DTX2: variants seen among roughly 807,000 people sequenced by gnomAD.
DTX2 encodes the protein probable E3 ubiquitin-protein ligase DTX2.
In DTX2, 29 loss-of-function variants were observed where a neutral mutation model predicts 55.3. That is an observed-to-expected ratio of 0.52 (90% confidence interval 0.39 to 0.71). DTX2 has a LOEUF of 0.71. Ranked by LOEUF, DTX2 falls within the 30% of genes least tolerant of loss-of-function variation. The pLI, the probability that DTX2 is intolerant of heterozygous loss-of-function variation, is 0.00. For missense variants in DTX2, 537 were observed against 822.5 expected (o/e 0.65, Z 4.25); for synonymous variants, 276 against 340.4 (o/e 0.81, Z 2.08).
chr7:76,474,163 C>T (rs142812861), intron 2 of DTX2, among the ~76,000 whole-genome samples: 1,543 of 151,194 alleles, frequency 0.01, 44 homozygotes, highest in Admixed American at 0.062. Context: ...TCAGGTGATC[C>T]GTGCCTGGCC....
At position 76,488,281 on chromosome 7, in the gene DTX2, T is replaced by C. The variant is rs1237299487; in HGVS notation, c.909-3872T>C. On this transcript the variant is annotated intron_variant, in intron 4 of 10. Coordinates refer to ENST00000430490, the MANE Select transcript of DTX2 (RefSeq NM_001102594.3). ...TCTTTAGGAACGGAAGCAAACGTTCTCGTTCAGATATGTGCCTCTCCCTGG... is the reference window on the plus strand; with the variant it reads ...TCTTTAGGAACGGAAGCAAACGTTCCCGTTCAGATATGTGCCTCTCCCTGG... Among the ~76,000 whole-genome samples, 12 of 74,116 alleles carry C rather than the reference T, an allele frequency of 1.6e-4. 1 individual carries two copies. The highest frequency in any genetic ancestry group is 8.0e-4 in the African/African-American group (12 of 14,998). 48.6% of individuals were successfully genotyped at this position (74,116 alleles called of 152,430 possible). A position where few individuals can be genotyped will look rare whatever the true frequency, so the allele number is the denominator to read the frequency against.
At chr7:76,479,885 C>G (rs1316523459) in intron 2 of DTX2, among the ~76,000 whole-genome samples, 1 of 150,530 alleles carries the variant, frequency 6.6e-6, no homozygotes, top group African/African-American at 2.5e-5. Flanking sequence ...AATTTATGCT[C>G]TCTTTCTTCA....
chr7:76,498,169 C>A (rs1485015173), intron 6 of DTX2, among the ~76,000 whole-genome samples: 1 of 152,184 alleles, frequency 6.6e-6, no homozygotes, highest in African/African-American at 2.4e-5. Flanking sequence ...CGTGGCCCTG[C>A]TGGCCCTCAG....
At chr7:76,474,785 C>G (rs910927784) in intron 2 of DTX2, 6 of 151,894 alleles carry the variant, frequency 4.0e-5, no homozygotes, top group African/African-American at 1.5e-4. Flanking sequence ...CAGTGCAGAT[C>G]TTGTTCTAAA....
At chr7:76,474,736 C>CA (rs1423288083) in intron 2 of DTX2, 2 of 152,022 alleles carry the variant, frequency 1.3e-5, no homozygotes, top group African/African-American at 4.8e-5. Flanking sequence ...CCCCGGGGCT[C>CA]ACAGCTGGGC....
In DTX2 at chr7:76,505,230, C is replaced by T. The variant is rs1301462199; in HGVS notation, c.1642-144C>T. 2 of 694,686 alleles carry T rather than the reference C, an allele frequency of 2.9e-6. No homozygotes were observed. Among genetic ancestry groups the T allele is most frequent in the Non-Finnish European group, 4.9e-6 (2 of 407,880 alleles). The allele number at this position is 694,686 out of a possible 1,614,324, so 43.0% of individuals were successfully genotyped here. On this transcript the variant is annotated intron_variant, in intron 10 of 10. Coordinates refer to ENST00000430490, the MANE Select transcript of DTX2 (RefSeq NM_001102594.3). The surrounding 1 kb of genome is among the most constrained non-coding windows in gnomAD (Gnocchi z 4.4). ...CCAGTGGGCAGTTTTGGGGTCCCTG[C>T]AGATGGGGTGAGTGCCAGGGAGTGG...
At chr7:76,496,024 C>A (rs1584227537) in intron 5 of DTX2, among the ~76,000 whole-genome samples, 1 of 98,244 alleles carries the variant, frequency 1.0e-5, no homozygotes, top group Admixed American at 9.7e-5. Flanking sequence ...CATTCAGTTC[C>A]CACAGGAACC....
At chr7:76,489,910 T>G (rs1415166565) in intron 4 of DTX2, among the ~76,000 whole-genome samples, 1 of 135,688 alleles carries the variant, frequency 7.4e-6, no homozygotes, top group Non-Finnish European at 1.6e-5. Context: ...AACAACAACC[T>G]TTATTTTATG....
In DTX2 at chr7:76,499,697, C is replaced by T. The variant is rs1347622592; in HGVS notation, c.1151-744C>T. 2.5e-5 allele frequency: 4 copies of T among 162,026 alleles called. No homozygotes were observed. The East Asian group carries it at 7.0e-4, about 28-fold the overall frequency. The allele number at this position is 162,026 out of a possible 1,614,324, so 10.0% of individuals were successfully genotyped here. ...ACCTAGAGAACGCCCCGGGCCGCGC[C>T]GATCCTCACCAGCTCAGGAGCTTCT... On this transcript the variant is annotated intron_variant, in intron 6 of 10. Coordinates refer to ENST00000430490, the MANE Select transcript of DTX2 (RefSeq NM_001102594.3).
At chr7:76,491,770 A>G (rs1349226545) in intron 4 of DTX2, among the ~76,000 whole-genome samples, 3 of 117,260 alleles carry the variant, frequency 2.6e-5, no homozygotes, top group Non-Finnish European at 5.3e-5. Context: ...TGCAGCCTCA[A>G]CCTCCTGGGT....
intron 4 of DTX2, among the ~76,000 whole-genome samples, chr7:76,488,187 G>A (rs1206217611): frequency 1.2e-5 from 1 of 85,310 alleles, no homozygotes; most frequent in South Asian, 4.3e-4. Context: ...CAGGGTGAGC[G>A]CCCACTGGAA....
intron 4 of DTX2, among the ~76,000 whole-genome samples, chr7:76,491,841 CT>C (rs1201326045): frequency 7.5e-6 from 1 of 132,834 alleles, no homozygotes; most frequent in Non-Finnish European, 1.6e-5. Context: ...ACTTGGCAGA[CT>C]TTTAAAAATT....
chr7:76,473,107 A>G (rs1808140937), intron 2 of DTX2, among the ~76,000 whole-genome samples: 1 of 152,088 alleles, frequency 6.6e-6, no homozygotes, highest in Non-Finnish European at 1.5e-5. Context: ...CTAAGATTAT[A>G]GGTGTGAGCC....
intron 4 of DTX2, among the ~76,000 whole-genome samples, chr7:76,483,696 A>G (rs939744841): frequency 6.6e-6 from 1 of 151,272 alleles, no homozygotes; most frequent in Non-Finnish European, 1.5e-5. Context: ...TAGAGCGCTC[A>G]GCTCCTTGAG....
intron 2 of DTX2, among the ~76,000 whole-genome samples, chr7:76,466,706 C>T (rs1807225139): frequency 6.6e-6 from 1 of 152,246 alleles, no homozygotes; most frequent in African/African-American, 2.4e-5. Context: ...ACTCCCGATT[C>T]TCCTGCCTCA....
chr7:76,497,623 CG>C, intron 6 of DTX2, 146 bp downstream of exon 6: 1 of 531,788 alleles, frequency 1.9e-6, no homozygotes, highest in Admixed American at 3.3e-5. Context: ...TCCCTGCCCC[CG>C]CTCGGCAGCA....
In DTX2 at chr7:76,501,144, T is replaced by C. The variant is rs1811625214; in HGVS notation, c.1230+624T>C. On this transcript the variant is annotated intron_variant, in intron 7 of 10. Transcript: ENST00000430490. ...TTAGCTGGGAGCCCTGGAGATACTG[T>C]TGGGGGAGGGGGTGGGTGAACGGCC... The C allele has an allele frequency of 7.7e-6, 3 of 389,312 alleles. No homozygotes were observed. In the Admixed American group the frequency reaches 9.4e-5, roughly 12 times the overall value. 24.1% of individuals were successfully genotyped at this position (389,312 alleles called of 1,614,324 possible).
rs1413931115 is a variant in DTX2, at chr7:76,503,439, A to G, written c.1403A>G (p.Gln468Arg). Residue 468 changes from glutamine (Q) to arginine (R), a missense_variant, in exon 9 of 11, where the codon CAG becomes CGG. Gln to Arg is a conservative substitution (Grantham distance 43). This residue lies in a region of DTX2 where 121 missense variants were observed against 136.8 expected (regional missense o/e 0.88). Transcript: ENST00000430490. ...YCNGNKDGSL[Q>R]CPSCKTIYGE... ...TGCCTCTGTCAGGATGGAAGTCTGC[A>G]GTGTCCCTCCTGCAAAACCATCTAT... The G allele has an allele frequency of 1.9e-6, 3 of 1,612,650 alleles. No individual in the cohort carries two copies. The highest frequency in any genetic ancestry group is 2.5e-6 in the Non-Finnish European group (3 of 1,179,854).
At chr7:76,500,047 G>C (rs2262041) in intron 6 of DTX2, 220,192 of 372,668 alleles carry the variant, frequency 0.59, 61,632 homozygotes, top group Middle Eastern at 0.68. Flanking sequence ...TCAAATCGTG[G>C]TGCCACAACG....
Sources: gnomAD v4.1 joint callset for allele counts (sites outside exome capture counted in the v4.1 genomes callset) on GRCh38, gnomAD v4.1.1 for gene constraint, gnomAD v4.1.1 regional missense constraint, Gnocchi (gnomAD v3.1) non-coding constraint, MANE v1.5 for transcripts, NCBI Gene and HGNC (gene_info 2026-07-23, HGNC 2026-07-21) for gene names.